The following SLC1A2 variants were observed in gnomAD, a reference collection of about 807,000 sequenced individuals.
SLC1A2 encodes excitatory amino acid transporter 2.
Under a neutral mutation model 48.8 loss-of-function variants are expected in SLC1A2, and 15 were observed. The ratio of observed to expected loss-of-function variants is 0.31; its 90% CI spans 0.21 to 0.47. The LOEUF is 0.47. Ranked by LOEUF, SLC1A2 falls within the 20% of genes least tolerant of loss-of-function variation. SLC1A2 has a pLI of 0.99. For missense variants in SLC1A2, 502 were observed against 730.5 expected, an observed-to-expected ratio of 0.69 and a Z score of 3.61; for synonymous variants, 279 against 272.6, an observed-to-expected ratio of 1.02 and a Z score of -0.23.
intron 1 of SLC1A2, among the ~76,000 whole-genome samples, chr11:35,375,222 CTTA>C (rs1051681572): frequency 6.6e-6 from 1 of 152,160 alleles, no homozygotes; most frequent in African/African-American, 2.4e-5. Flanking sequence ...TTTAATGATA[CTTA>C]TTATTACTAC....
intron 1 of SLC1A2, chr11:35,404,407 G>A (rs1291912426): frequency 6.6e-6 from 1 of 152,342 alleles, no homozygotes; most frequent in Non-Finnish European, 1.5e-5. Flanking sequence ...TGAGGACGAG[G>A]ACCCAGGACC....
At chr11:35,319,433 T>C (rs1383582156) in intron 1 of SLC1A2, among the ~76,000 whole-genome samples, 2 of 152,228 alleles carry the variant, frequency 1.3e-5, no homozygotes, top group Non-Finnish European at 2.9e-5. Flanking sequence ...TGTATTTCCT[T>C]AGCCAGCTCT....
intron 1 of SLC1A2, among the ~76,000 whole-genome samples, chr11:35,398,073 G>A (rs929542031): frequency 1.3e-5 from 2 of 152,126 alleles, no homozygotes; most frequent in African/African-American, 4.8e-5. Flanking sequence ...CTTTGACTGT[G>A]GTCCTCAGGA....
At chr11:35,292,598 A>G (rs1851046609) in intron 6 of SLC1A2, 78 bp from the exon 7 acceptor site, 10 of 755,728 alleles carry the variant, frequency 1.3e-5, no homozygotes, top group Middle Eastern at 2.4e-4. Flanking sequence ...TGTACCGCAC[A>G]CTGAGGAAAA....
At chr11:35,275,262 A>G (rs1173660076) in intron 9 of SLC1A2, among the ~76,000 whole-genome samples, 3 of 152,256 alleles carry the variant, frequency 2.0e-5, no homozygotes, top group African/African-American at 7.2e-5. Context: ...ATGTGAGCCC[A>G]GAAAAGATCT....
chr11:35,302,635 A>G (rs3829266), intron 5 of SLC1A2, among the ~76,000 whole-genome samples: 32,803 of 151,712 alleles, frequency 0.22, 3,903 homozygotes, highest in Admixed American at 0.28. Context: ...TGTGCCTGAG[A>G]TCCTGGGAAT....
intron 7 of SLC1A2, among the ~76,000 whole-genome samples, chr11:35,287,574 T>G (rs71480071): frequency 2.6e-3 from 401 of 152,274 alleles, no homozygotes; most frequent in Non-Finnish European, 3.6e-3. Context: ...ATCGGCCAAT[T>G]CTACAGTCAC....
intron 1 of SLC1A2, among the ~76,000 whole-genome samples, chr11:35,351,219 T>C (rs1853239495): frequency 6.6e-6 from 1 of 152,226 alleles, no homozygotes; most frequent in South Asian, 2.1e-4. Flanking sequence ...AGGCAACTGA[T>C]TAGTGCCAGA....
intron 1 of SLC1A2, among the ~76,000 whole-genome samples, chr11:35,394,711 G>C (rs1854898415): frequency 6.6e-6 from 1 of 152,186 alleles, no homozygotes; most frequent in South Asian, 2.1e-4. Flanking sequence ...AGTGGGAGTG[G>C]CCAGTGCCAA....
intron 1 of SLC1A2, among the ~76,000 whole-genome samples, chr11:35,378,873 G>C (rs1471959250): frequency 6.6e-6 from 1 of 152,194 alleles, no homozygotes; most frequent in South Asian, 2.1e-4. Context: ...TCATGGAAGG[G>C]GAAGGAGAAG....
chr11:35,306,501 C>T (rs1434384066), intron 4 of SLC1A2, among the ~76,000 whole-genome samples: 3 of 152,238 alleles, frequency 2.0e-5, no homozygotes, highest in East Asian at 1.9e-4. Flanking sequence ...TTATGGGGTA[C>T]ATGATAAATT....
At chr11:35,261,579 T>C (rs1452219344) in intron 10 of SLC1A2, 1 of 397,856 alleles carries the variant, frequency 2.5e-6, no homozygotes. Context: ...CCAGACCATC[T>C]ATATTATGCT....
intron 1 of SLC1A2, among the ~76,000 whole-genome samples, chr11:35,376,974 C>A (rs572374869): frequency 6.6e-5 from 10 of 152,332 alleles, no homozygotes; most frequent in African/African-American, 2.4e-4. Context: ...AGAAATGCAG[C>A]TGGTACTATA....
In SLC1A2 at chr11:35,301,073, T is replaced by C. The variant is rs925583895; in HGVS notation, c.857+446A>G. On this transcript the variant is annotated intron_variant, in intron 6 of 10. Coordinates refer to ENST00000278379, the MANE Select transcript of SLC1A2 (RefSeq NM_004171.4). ...TTCAAATAAAAATAAATAAATATCT[T>C]TCTAACTGTGGATACAATGAGAAGT... Among the ~76,000 whole-genome samples the C allele has an allele frequency of 2.6e-5, 4 of 152,240 alleles. No homozygotes were observed. In the South Asian group the frequency reaches 8.3e-4, roughly 32 times the overall value.
intron 4 of SLC1A2, 52 bp from the exon 5 acceptor site, chr11:35,306,294 GAA>G (rs370271591): frequency 1.8e-4 from 194 of 1,078,532 alleles, no homozygotes; most frequent in South Asian, 3.1e-4. Context: ...CCTATAAGGT[GAA>G]AAAAAAAAAG....
At chr11:35,388,072 T>C (rs1299517499) in intron 1 of SLC1A2, among the ~76,000 whole-genome samples, 4 of 152,234 alleles carry the variant, frequency 2.6e-5, no homozygotes, top group Admixed American at 6.5e-5. Context: ...AGAGGCAGAA[T>C]TTATACCCAA....
intron 1 of SLC1A2, among the ~76,000 whole-genome samples, chr11:35,320,362 A>G (rs1386991177): frequency 6.6e-6 from 1 of 152,224 alleles, no homozygotes; most frequent in Non-Finnish European, 1.5e-5. Flanking sequence ...AACATAAAGC[A>G]CATTGTACTG....
intron 1 of SLC1A2, among the ~76,000 whole-genome samples, chr11:35,372,373 G>T (rs1369714430): frequency 6.6e-6 from 1 of 152,192 alleles, no homozygotes; most frequent in Non-Finnish European, 1.5e-5. Context: ...CCCTGCTTTG[G>T]TGGCTCTGGG....
intron 9 of SLC1A2, 132 bp downstream of exon 9, chr11:35,280,735 C>A: frequency 1.7e-6 from 1 of 584,754 alleles, no homozygotes; most frequent in Non-Finnish European, 3.0e-6. Flanking sequence ...TAAATGTGAG[C>A]GGGAAGGAGG....
Sources: allele counts gnomAD v4.1 joint callset (sites outside exome capture counted in the v4.1 genomes callset), GRCh38; gene constraint gnomAD v4.1.1; transcripts MANE v1.5; gene names NCBI Gene and HGNC (gene_info 2026-07-23, HGNC 2026-07-21).